AAMDC: variants seen among roughly 807,000 people sequenced by gnomAD.
AAMDC encodes the protein mth938 domain-containing protein.
AAMDC carries 16 observed loss-of-function variants against 15.5 expected under a neutral mutation model. The ratio of observed to expected loss-of-function variants is 1.03; its 90% CI spans 0.70 to 1.57. The LOEUF (loss-of-function observed/expected upper bound fraction) is 1.57. Ranked by LOEUF, AAMDC falls within the 40% of genes most tolerant of loss-of-function variation. The probability of loss-of-function intolerance (pLI) is 0.00; values close to 1 mark genes in which losing one functional copy is unlikely to be tolerated. For synonymous variants in AAMDC, 51 were observed against 51.6 expected (o/e 0.99, Z 0.05); for missense variants, 141 against 144.9 (o/e 0.97, Z 0.14).
rs147412298 is a variant in AAMDC at position 77,885,925 on chromosome 11, G to A, written c.328+8876G>A. On this transcript the variant is annotated intron_variant, in intron 5 of 5. Transcript: ENST00000304716. ...GGGCCATAATTTCTGTGTTCAGCAG[G>A]TGCAGTGGCTCATGCCTATAATCCC... Among the ~76,000 whole-genome samples the A allele has an allele frequency of 1.4e-3, 217 of 152,294 alleles. 1 individual carries two copies. Among genetic ancestry groups the A allele is most frequent in the African/African-American group, 3.5e-3 (147 of 41,556 alleles).
At position 77,850,684 on chromosome 11, in the gene AAMDC, AATACATTT is replaced by A. The variant is rs535889046; in HGVS notation, c.132+8057_132+8064del. On this transcript the variant is annotated intron_variant, in intron 2 of 3. Coordinates refer to ENST00000393427, the MANE Select transcript of AAMDC (RefSeq NM_024684.4). ...TACAGAATAGTTATGTGAATAATAT[AATACATTT>A]CCATATATCCTTTACCTAAATCCTC... is the stretch of plus-strand genomic sequence containing the variant. The A allele has an allele frequency of 2.0e-4, 31 of 152,300 alleles. No homozygotes were observed. In the South Asian group the frequency reaches 6.0e-3, roughly 30 times the overall value. 9.4% of individuals were successfully genotyped at this position (152,300 alleles called of 1,614,324 possible).
At chr11:77,825,755 G>A (rs557959469) in intron 1 of AAMDC, among the ~76,000 whole-genome samples, 4 of 150,662 alleles carry the variant, frequency 2.7e-5, no homozygotes, top group Non-Finnish European at 5.9e-5. Flanking sequence ...GCAGTGGCAC[G>A]ATCTAGGCTC....
At chr11:77,842,339 CT>C in intron 1 of AAMDC, 139 bp from the exon 2 acceptor site, 1 of 781,166 alleles carries the variant, frequency 1.3e-6, no homozygotes, top group Non-Finnish European at 2.0e-6. Flanking sequence ...CTTTTTAGAC[CT>C]CTAAAGAAGA....
At chr11:77,830,987 C>CAAAAAAAAAAAAAAAAAAAA (rs59283485) in intron 1 of AAMDC, among the ~76,000 whole-genome samples, 5 of 100,514 alleles carry the variant, frequency 5.0e-5, no homozygotes, top group Non-Finnish European at 4.1e-5. Flanking sequence ...CAAAATATAC[C>CAAAAAAAAAAAAAAAAAAAA]AAAAAAAAAA....
intron 2 of AAMDC, among the ~76,000 whole-genome samples, chr11:77,866,191 AAGAC>A (rs1352746771): frequency 2.0e-5 from 3 of 152,362 alleles, no homozygotes; most frequent in South Asian, 2.1e-4. Flanking sequence ...AGAAATGTTC[AAGAC>A]AGACAGGATG....
At chr11:77,905,956 T>C (rs1952939359) in intron 3 of AAMDC, among the ~76,000 whole-genome samples, 1 of 152,238 alleles carries the variant, frequency 6.6e-6, no homozygotes, top group South Asian at 2.1e-4. Context: ...TTTTATTATA[T>C]TAAGTGATGT....
At position 77,860,085 on chromosome 11, in the gene AAMDC, G is replaced by A. The variant is rs562981998; in HGVS notation, c.133-9637G>A. ...CAGGTATGCCACAGGTTGCAAGCTC[G>A]TCTCTCAGACATGTGTAAGGACTCC... On this transcript the variant is annotated intron_variant, in intron 2 of 3. Coordinates refer to ENST00000393427, the MANE Select transcript of AAMDC (RefSeq NM_024684.4). Among the ~76,000 whole-genome samples, 360 of 152,276 alleles carry A rather than the reference G, an allele frequency of 2.4e-3. 2 individuals are homozygous for A. The highest frequency in any genetic ancestry group is 8.3e-3 in the African/African-American group (344 of 41,560).
chr11:77,883,947 TA>T, intron 5 of AAMDC: 1 of 1,612,924 alleles, frequency 6.2e-7, no homozygotes, highest in Non-Finnish European at 8.5e-7. Context: ...CATCTGGATA[TA>T]AGACCTAAAG....
At chr11:77,856,403 A>T (rs1229571344) in intron 2 of AAMDC, among the ~76,000 whole-genome samples, 3 of 152,070 alleles carry the variant, frequency 2.0e-5, no homozygotes, top group Non-Finnish European at 4.4e-5. Context: ...AGCCCTTCAA[A>T]CTATTCCACC....
rs188684300 is a variant in AAMDC, at chr11:77,878,164, C to A, written c.328+1115C>A. Among the ~76,000 whole-genome samples the A allele has an allele frequency of 4.1e-3, 623 of 152,104 alleles. 16 individuals are homozygous for A. The East Asian group carries it at 0.05, about 12-fold the overall frequency. Reference sequence around the variant, plus strand: ...GATCACGAGGTCAGGAGATCAAGACCATCCTGGCTAACATGGTGAAACCCC... The same window carrying A: ...GATCACGAGGTCAGGAGATCAAGACAATCCTGGCTAACATGGTGAAACCCC... On this transcript the variant is annotated intron_variant, in intron 5 of 5. Transcript: ENST00000304716.
At chr11:77,828,084 C>T (rs1949260967) in intron 1 of AAMDC, among the ~76,000 whole-genome samples, 1 of 151,936 alleles carries the variant, frequency 6.6e-6, no homozygotes, top group African/African-American at 2.4e-5. Flanking sequence ...ACCAGCCTGG[C>T]CAACATGGTG....
chr11:77,879,541 C>T (rs769996194), intron 5 of AAMDC, among the ~76,000 whole-genome samples: 1 of 152,182 alleles, frequency 6.6e-6, no homozygotes, highest in African/African-American at 2.4e-5. Flanking sequence ...GCTGCATGTA[C>T]CACAGACTAC....
At chr11:77,844,102 CT>C (rs1205044267) in intron 2 of AAMDC, among the ~76,000 whole-genome samples, 1 of 152,092 alleles carries the variant, frequency 6.6e-6, no homozygotes, top group Non-Finnish European at 1.5e-5. Flanking sequence ...CACAGCCAAA[CT>C]GTATCAGCCC....
chr11:77,842,590 G>T lies in AAMDC; in HGVS notation c.94G>T (p.Gly32Cys). The T allele has an allele frequency of 1.2e-6, 2 of 1,614,022 alleles. No individual in the cohort carries two copies. The highest frequency in any genetic ancestry group is 2.7e-5 in the African/African-American group (2 of 75,048). Residue 32 changes from glycine to cysteine, a missense_variant, in exon 2 of 4, where the codon GGT becomes TGT. Transcript: ENST00000393427. ...TYKDCKVWPGGSRTWDWRETG... is the reference protein window; with the variant it reads ...TYKDCKVWPGCSRTWDWRETG... Reference sequence around the variant, plus strand: ...TAAGGACTGCAAAGTATGGCCAGGGGGTAGTCGGACTTGGGATTGGAGAGA... The same window carrying T: ...TAAGGACTGCAAAGTATGGCCAGGGTGTAGTCGGACTTGGGATTGGAGAGA...
chr11:77,876,131 A>G (rs188329107), downstream of AAMDC, among the ~76,000 whole-genome samples: 1 of 152,300 alleles, frequency 6.6e-6, no homozygotes, highest in African/African-American at 2.4e-5. Context: ...AGAGGAATCT[A>G]AAGGACTTGA....
At chr11:77,828,464 G>A (rs1490453637) in intron 1 of AAMDC, among the ~76,000 whole-genome samples, 2 of 151,826 alleles carry the variant, frequency 1.3e-5, no homozygotes, top group African/African-American at 2.4e-5. Flanking sequence ...TCAGGAGATC[G>A]AGACCATCCT....
intron 1 of AAMDC, among the ~76,000 whole-genome samples, chr11:77,831,341 T>C (rs1005289026): frequency 1.3e-5 from 2 of 152,206 alleles, no homozygotes; most frequent in African/African-American, 2.4e-5. Context: ...GTTCCTTTCC[T>C]AGCTATACCC....
At chr11:77,852,651 T>G (rs1186549851) in intron 2 of AAMDC, among the ~76,000 whole-genome samples, 2 of 152,168 alleles carry the variant, frequency 1.3e-5, no homozygotes, top group Non-Finnish European at 2.9e-5. Context: ...TCCATCACAT[T>G]CCCACCTCAC....
At chr11:77,891,404 C>A (rs757352843) in intron 5 of AAMDC, 5 of 1,613,196 alleles carry the variant, frequency 3.1e-6, no homozygotes, top group South Asian at 1.1e-5. Flanking sequence ...AGAGGTAAAC[C>A]GCAAAGGGTT....
Sources: gnomAD v4.1 joint callset for allele counts (sites outside exome capture counted in the v4.1 genomes callset) on GRCh38, gnomAD v4.1.1 for gene constraint, MANE v1.5 for transcripts, NCBI Gene and HGNC (gene_info 2026-07-23, HGNC 2026-07-21) for gene names.